The following BRINP2 variants were observed in gnomAD, a reference collection of about 807,000 sequenced individuals.
BRINP2 encodes BMP/retinoic acid-inducible neural-specific protein 2.
BRINP2 carries 21 observed loss-of-function variants against 69.2 expected under a neutral mutation model. The observed-to-expected ratio is 0.30, with a 90% confidence interval of 0.22 to 0.44. The LOEUF (loss-of-function observed/expected upper bound fraction) is 0.44, where lower values mean the gene tolerates loss of function less well. Ranked by LOEUF, BRINP2 falls within the 20% of genes least tolerant of loss-of-function variation. The pLI is 1.00. For synonymous variants in BRINP2, 380 were observed against 394.1 expected (o/e 0.96, Z 0.42); for missense variants, 877 against 986.0 (o/e 0.89, Z 1.48).
intron 1 of BRINP2, among the ~76,000 whole-genome samples, chr1:177,178,142 A>T (rs1184949155): frequency 6.6e-6 from 1 of 152,116 alleles, no homozygotes; most frequent in African/African-American, 2.4e-5. Context: ...CTACTGTCTG[A>T]TGCCAGGCTC....
At chr1:177,222,391 A>C (rs899467623) in intron 1 of BRINP2, among the ~76,000 whole-genome samples, 3 of 152,084 alleles carry the variant, frequency 2.0e-5, no homozygotes, top group Non-Finnish European at 4.4e-5. Context: ...GGCTCACTGC[A>C]ACCTCCACCT....
chr1:177,224,189 AT>A (rs113986402), intron 1 of BRINP2, among the ~76,000 whole-genome samples: 1,748 of 150,890 alleles, frequency 0.012, 36 homozygotes, highest in African/African-American at 0.039. Context: ...AATTTCTGTG[AT>A]TTTTTTTTTA....
intron 1 of BRINP2, among the ~76,000 whole-genome samples, chr1:177,189,655 T>G (rs1648530259): frequency 6.6e-6 from 1 of 152,162 alleles, no homozygotes; most frequent in Non-Finnish European, 1.5e-5. Context: ...TATAAATACT[T>G]CTCAACTTAG....
chr1:177,238,989 A>C (rs1650117294), intron 2 of BRINP2, among the ~76,000 whole-genome samples: 1 of 152,240 alleles, frequency 6.6e-6, no homozygotes, highest in African/African-American at 2.4e-5. Flanking sequence ...AACTGATAAG[A>C]GGAAGAGCCA....
At chr1:177,176,728 G>C (rs979185625) in intron 1 of BRINP2, among the ~76,000 whole-genome samples, 1 of 151,746 alleles carries the variant, frequency 6.6e-6, no homozygotes, top group Non-Finnish European at 1.5e-5. Flanking sequence ...TTCAATTCAA[G>C]AAGGGCACAA....
rs74127731 is a variant in BRINP2 at position 177,246,320 on chromosome 1, G to A, written c.270-9599G>A. On this transcript the variant is annotated intron_variant, in intron 2 of 7. Coordinates refer to ENST00000361539, the MANE Select transcript of BRINP2 (RefSeq NM_021165.4). ...AAGGCAGAAAATCATTGGTAGTGTG[G>A]TCTAGGTTCTAGTCAAACTCTACCA... is the stretch of plus-strand genomic sequence containing the variant. Among the ~76,000 whole-genome samples, 190 of 152,302 alleles carry A rather than the reference G, an allele frequency of 1.2e-3. 3 individuals carry two copies. The highest frequency in any genetic ancestry group is 6.8e-3 in the Middle Eastern group (2 of 294).
intron 1 of BRINP2, among the ~76,000 whole-genome samples, chr1:177,228,223 C>A (rs866437657): frequency 6.6e-6 from 1 of 152,236 alleles, no homozygotes; most frequent in Non-Finnish European, 1.5e-5. Context: ...GAAGGAATGA[C>A]GCTGAACGTC....
At chr1:177,188,402 T>C (rs1648494252) in intron 1 of BRINP2, among the ~76,000 whole-genome samples, 2 of 152,084 alleles carry the variant, frequency 1.3e-5, no homozygotes, top group Non-Finnish European at 2.9e-5. Context: ...AAAAAAAACA[T>C]AATTAATGAG....
chr1:177,205,920 G>A (rs966361438), intron 1 of BRINP2, among the ~76,000 whole-genome samples: 1 of 152,206 alleles, frequency 6.6e-6, no homozygotes, highest in African/African-American at 2.4e-5. Flanking sequence ...GCGTATCAGT[G>A]CTGGTCTATG....
chr1:177,216,348 A>C (rs1239837806), intron 1 of BRINP2, among the ~76,000 whole-genome samples: 1 of 152,118 alleles, frequency 6.6e-6, no homozygotes. Flanking sequence ...TGAGGCTAAC[A>C]GTTTAGCTTT....
chr1:177,251,641 A>G (rs1470332726), intron 2 of BRINP2, among the ~76,000 whole-genome samples: 2 of 152,122 alleles, frequency 1.3e-5, no homozygotes, highest in Non-Finnish European at 2.9e-5. Flanking sequence ...TTCTGGTTCT[A>G]TTATCAACTG....
intron 2 of BRINP2, among the ~76,000 whole-genome samples, chr1:177,237,330 A>G (rs555290374): frequency 6.6e-6 from 1 of 152,352 alleles, no homozygotes; most frequent in East Asian, 1.9e-4. Flanking sequence ...GTCCAGTTTG[A>G]GTGACAGCAT....
At chr1:177,214,842 A>G (rs1435281068) in intron 1 of BRINP2, among the ~76,000 whole-genome samples, 1 of 152,216 alleles carries the variant, frequency 6.6e-6, no homozygotes, top group Non-Finnish European at 1.5e-5. Context: ...TTTTGAATAC[A>G]AGGTGGAATG....
intron 6 of BRINP2, 34 bp from the exon 7 acceptor site, chr1:177,278,529 C>T (rs772893329): frequency 2.5e-6 from 4 of 1,603,244 alleles, no homozygotes; most frequent in Middle Eastern, 1.7e-4. Context: ...TGCATAGCTA[C>T]CCGTCAGCTC....
At chr1:177,175,632 G>C (rs1338810741) in intron 1 of BRINP2, among the ~76,000 whole-genome samples, 1 of 152,200 alleles carries the variant, frequency 6.6e-6, no homozygotes, top group Non-Finnish European at 1.5e-5. Context: ...GAACATGAAA[G>C]TGGAATGGCT....
intron 1 of BRINP2, among the ~76,000 whole-genome samples, chr1:177,212,303 TG>T (rs1649246566): frequency 6.6e-6 from 1 of 152,142 alleles, no homozygotes; most frequent in African/African-American, 2.4e-5. Flanking sequence ...CCCAGCACTT[TG>T]GGAGGCTGAG....
At chr1:177,185,810 T>G (rs1383237932) in intron 1 of BRINP2, among the ~76,000 whole-genome samples, 1 of 152,102 alleles carries the variant, frequency 6.6e-6, no homozygotes, top group Non-Finnish European at 1.5e-5. Flanking sequence ...TGTTCACAGC[T>G]CTATCAGACA....
intron 4 of BRINP2, among the ~76,000 whole-genome samples, chr1:177,270,945 TGACCAGTAGCCAATCA>T (rs1284816078): frequency 1.3e-5 from 2 of 152,222 alleles, no homozygotes; most frequent in African/African-American, 4.8e-5. Context: ...CAGTCCAGTC[TGACCAGTAGCCAATCA>T]CCCACTCACC....
At chr1:177,192,398 A>G (rs1023361689) in intron 1 of BRINP2, among the ~76,000 whole-genome samples, 1 of 152,228 alleles carries the variant, frequency 6.6e-6, no homozygotes, top group Non-Finnish European at 1.5e-5. Flanking sequence ...TCTGGTAATT[A>G]TCAAAGGATT....
Sources: gnomAD v4.1 joint callset for allele counts (sites outside exome capture counted in the v4.1 genomes callset) on GRCh38, gnomAD v4.1.1 for gene constraint, MANE v1.5 for transcripts, NCBI Gene and HGNC (gene_info 2026-07-23, HGNC 2026-07-21) for gene names.